KANK1: variants seen among roughly 807,000 people sequenced by gnomAD.
KANK1 encodes the protein KN motif and ankyrin repeat domains 1.
KANK1 carries 109 observed loss-of-function variants against 106.2 expected under a neutral mutation model. The observed-to-expected ratio is 1.03, with a 90% CI of 0.88 to 1.20. KANK1 has a LOEUF of 1.20. KANK1 is among the 50% of genes most tolerant of loss of function. The probability of loss-of-function intolerance (pLI) is 0.00; values close to 1 mark genes in which losing one functional copy is unlikely to be tolerated. For missense variants in KANK1, 2,399 were observed against 1,710.7 expected, an observed-to-expected ratio of 1.40 and a Z score of -7.10; for synonymous variants, 873 against 652.2, an observed-to-expected ratio of 1.34 and a Z score of -5.16.
rs36072780 is a variant in KANK1 at position 528,469 on chromosome 9, C to CTTTTTTTT, written c.-84+23738_-84+23745dup. On this transcript the variant is annotated intron_variant, in intron 1 of 11. Coordinates refer to ENST00000382297, the MANE Select transcript of KANK1 (RefSeq NM_015158.5). The stretch of plus-strand genomic sequence containing the variant: ...ACCATTTTACTGAATTAAAAAATAA[C>CTTTTTTTT]TTTTTTTTTTTTTTTTTTTTTTTTT... Among the ~76,000 whole-genome samples, 35 of 85,120 alleles carry CTTTTTTTT rather than the reference C, an allele frequency of 4.1e-4. 2 individuals are homozygous for CTTTTTTTT. Among genetic ancestry groups the CTTTTTTTT allele is most frequent in the African/African-American group, 8.0e-4 (19 of 23,618 alleles). The allele number at this position is 85,120 out of a possible 152,430, so 55.8% of individuals were successfully genotyped here.
intron 3 of KANK1, among the ~76,000 whole-genome samples, chr9:714,575 C>G (rs1033057352): frequency 1.3e-5 from 2 of 152,042 alleles, no homozygotes; most frequent in African/African-American, 4.8e-5. Flanking sequence ...TCAGGCTGAT[C>G]TTGAACTCCT....
chr9:471,804 G>A (rs759434762), intron 2 of KANK1, among the ~76,000 whole-genome samples: 1 of 152,162 alleles, frequency 6.6e-6, no homozygotes, highest in Non-Finnish European at 1.5e-5. Flanking sequence ...TGAGGCGAGA[G>A]AATCGTTTGC....
intron 2 of KANK1, among the ~76,000 whole-genome samples, chr9:691,029 T>G (rs1331050515): frequency 1.3e-5 from 2 of 152,236 alleles, no homozygotes; most frequent in African/African-American, 2.4e-5. Context: ...TGTGTGTTTC[T>G]CTCTTCAGTG....
At chr9:645,338 T>C (rs771884614) in intron 1 of KANK1, among the ~76,000 whole-genome samples, 19 of 139,432 alleles carry the variant, frequency 1.4e-4, no homozygotes, top group Non-Finnish European at 2.1e-4. Flanking sequence ...TACTGAGAAG[T>C]CTGAGGCAGG....
At chr9:497,372 C>T (rs979829985) in intron 3 of KANK1, among the ~76,000 whole-genome samples, 2 of 152,060 alleles carry the variant, frequency 1.3e-5, no homozygotes, top group Non-Finnish European at 2.9e-5. Flanking sequence ...GCACGCCCTC[C>T]CCAGTTCACC....
At chr9:710,353 C>T (rs1354672321) in intron 2 of KANK1, among the ~76,000 whole-genome samples, 1 of 152,108 alleles carries the variant, frequency 6.6e-6, no homozygotes, top group Non-Finnish European at 1.5e-5. Context: ...CGCAGTGGCT[C>T]ACGCCTGTAA....
At chr9:537,021 T>G (rs959549162) in intron 1 of KANK1, among the ~76,000 whole-genome samples, 8 of 152,114 alleles carry the variant, frequency 5.3e-5, no homozygotes, top group Admixed American at 5.2e-4. Context: ...CTTCTCTCTT[T>G]TAGGACAAGG....
chr9:713,757 G>A (rs1048865434), intron 3 of KANK1, among the ~76,000 whole-genome samples: 4 of 152,110 alleles, frequency 2.6e-5, no homozygotes, highest in Admixed American at 6.5e-5. Flanking sequence ...TTGGTAAGAT[G>A]CTTTATTCTT....
chr9:470,306 G>C (rs564987729), exon 1 of KANK1: 3 of 151,222 alleles, frequency 2.0e-5, no homozygotes, highest in African/African-American at 4.9e-5. Flanking sequence ...AGGGTGTTTC[G>C]GGGCGTCCGA....
intron 2 of KANK1, among the ~76,000 whole-genome samples, chr9:708,851 C>A (rs1589086619): frequency 6.6e-6 from 1 of 152,096 alleles, no homozygotes; most frequent in Admixed American, 6.5e-5. Flanking sequence ...AGCTTATTAG[C>A]GTGGCTCTGG....
chr9:495,972 C>A (rs1035604494), intron 3 of KANK1, among the ~76,000 whole-genome samples: 6 of 151,958 alleles, frequency 3.9e-5, no homozygotes, highest in African/African-American at 1.5e-4. Flanking sequence ...TAATTAAACA[C>A]ACACACACAC....
In KANK1 at chr9:711,942, C is replaced by T. The variant is rs1018510546; in HGVS notation, c.1176C>T (p.Leu392=). 3 of 1,614,046 alleles carry T rather than the reference C, an allele frequency of 1.9e-6. No individual in the cohort carries two copies. The African/African-American group carries it at 4.0e-5, about 22-fold the overall frequency. ...GCAGCTGTGAGGCCTCCTCAGAGCTCAGGGAGAATGGAGAGTGCCGGTCTG... is the reference window on the plus strand; with the variant it reads ...GCAGCTGTGAGGCCTCCTCAGAGCTTAGGGAGAATGGAGAGTGCCGGTCTG... ...QDSSCEASSE[L]RENGECRSVA... Residue 392 remains leucine, a synonymous_variant, in exon 3 of 12, where the codon CTC becomes CTT. Coordinates refer to ENST00000382297, the MANE Select transcript of KANK1 (RefSeq NM_015158.5).
At chr9:737,985 A>C (rs1301215163) in intron 7 of KANK1, among the ~76,000 whole-genome samples, 1 of 152,234 alleles carries the variant, frequency 6.6e-6, no homozygotes, top group Non-Finnish European at 1.5e-5. Flanking sequence ...CCCTCGGGTC[A>C]TAAAGCTTTT....
At position 707,079 on chromosome 9, in the gene KANK1, G is replaced by C. The variant is rs7860004; in HGVS notation, c.38-3725G>C. 8.7e-3 allele frequency: 8,606 copies of C among 985,420 alleles called. 533 individuals are homozygous for C. The African/African-American group carries it at 0.13, about 15-fold the overall frequency. The allele number at this position is 985,420 out of a possible 1,614,324, so 61.0% of individuals were successfully genotyped here. The stretch of plus-strand genomic sequence containing the variant: ...CTGCAGCCGGAGGGAGACCTCGCCG[G>C]TGAAAGCTCAGCCTATGGCATCCGA... On this transcript the variant is annotated intron_variant, in intron 2 of 11. Coordinates refer to ENST00000382297, the MANE Select transcript of KANK1 (RefSeq NM_015158.5).
In KANK1 at chr9:684,904, C is replaced by CAA. The variant is rs35237215; in HGVS notation, c.37+7905_37+7906dup. 2.1e-3 allele frequency among the ~76,000 whole-genome samples: 302 copies of CAA among 146,762 alleles called. 1 individual carries two copies. Among genetic ancestry groups the CAA allele is most frequent in the African/African-American group, 6.6e-3 (266 of 40,372 alleles). On this transcript the variant is annotated intron_variant, in intron 2 of 11. Transcript: ENST00000382297. ...CGATAAGTTCTTGCTCTTTCCTGACCAAAAAAAAAAATTAATTGCATTGGG... is the reference window on the plus strand; with the variant it reads ...CGATAAGTTCTTGCTCTTTCCTGACCAAAAAAAAAAAAATTAATTGCATTGGG...
At position 710,852 on chromosome 9, in the gene KANK1, AC is replaced by A. The variant is rs752734550; in HGVS notation, c.89del (p.Pro30LeufsTer12). The A allele has an allele frequency of 1.9e-6, 3 of 1,612,684 alleles. No homozygotes were observed. In the South Asian group the frequency reaches 3.3e-5, roughly 18 times the overall value. On this transcript the variant is annotated frameshift_variant, in exon 3 of 12. Coordinates refer to ENST00000382297, the MANE Select transcript of KANK1 (RefSeq NM_015158.5). LOFTEE classifies it high-confidence loss of function. ...LSGDQDKEQKDPYFVETPYGY... is the reference protein window; with the variant it reads ...LSGDQDKEQKXPYFVETPYGY... ...GGAGACCAGGACAAGGAACAGAAAG[AC>A]CCTTACTTTGTGGAGACCCCCTATG...
intron 1 of KANK1, among the ~76,000 whole-genome samples, chr9:654,309 G>A (rs886086910): frequency 6.6e-6 from 1 of 152,282 alleles, no homozygotes; most frequent in East Asian, 1.9e-4. Context: ...TTAGAAGGCA[G>A]GGTGTTTTCC....
chr9:699,169 A>G (rs1205620537), intron 2 of KANK1, among the ~76,000 whole-genome samples: 6 of 152,176 alleles, frequency 3.9e-5, no homozygotes, highest in African/African-American at 1.2e-4. Context: ...TAGCCTAGGC[A>G]GGGTCCCTGC....
At chr9:501,609 GACATACACACAC>G (rs1564127946), upstream of KANK1, among the ~76,000 whole-genome samples, 1 of 125,266 alleles carries the variant, frequency 8.0e-6, no homozygotes, top group African/African-American at 4.0e-5. Flanking sequence ...CCCACGCACA[GACATACACACAC>G]ACACACACAC....
Sources: gnomAD v4.1 joint callset for allele counts (sites outside exome capture counted in the v4.1 genomes callset) on GRCh38, gnomAD v4.1.1 for gene constraint, MANE v1.5 for transcripts, NCBI Gene and HGNC (gene_info 2026-07-23, HGNC 2026-07-21) for gene names.